Variants in PEX16 observed in about 807,000 individuals in gnomAD.
PEX16 encodes the protein peroxin 16.
Under a neutral mutation model 50.5 loss-of-function variants are expected in PEX16, and 37 were observed. That is an observed-to-expected ratio of 0.73 (90% confidence interval 0.56 to 0.96). PEX16 has a LOEUF of 0.96. Ranked by LOEUF, PEX16 falls within the 40% of genes least tolerant of loss-of-function variation. The probability of loss-of-function intolerance (pLI) is 0.00; values close to 1 mark genes in which losing one functional copy is unlikely to be tolerated. For missense variants in PEX16, 401 were observed against 438.3 expected, an observed-to-expected ratio of 0.91 and a Z score of 0.76; for synonymous variants, 185 against 190.3, an observed-to-expected ratio of 0.97 and a Z score of 0.23.
At position 45,915,512 on chromosome 11, in the gene PEX16, G is replaced by C. The variant is rs2086824776; in HGVS notation, c.416C>G (p.Pro139Arg). 1 of 1,614,160 alleles carries C rather than the reference G, an allele frequency of 6.2e-7. No homozygotes were observed. The highest frequency in any genetic ancestry group is 1.1e-5 in the South Asian group (1 of 91,076). Residue 139 changes from proline to arginine, a missense_variant, in exon 5 of 11, where the codon CCC becomes CGC. Transcript: ENST00000378750. ...LWFKAGLQTSPPIVPLDRETQ... is the reference protein window; with the variant it reads ...LWFKAGLQTSRPIVPLDRETQ... ...CTCTCTGTCCAGTGGAACGATAGGG[G>C]GTGAAGTCTGGAGGCCAGCCTTGAA... is the stretch of plus-strand genomic sequence containing the variant.
chr11:45,913,439 C>T (rs773051260), intron 9 of PEX16, among the ~76,000 whole-genome samples: 3 of 152,190 alleles, frequency 2.0e-5, no homozygotes, highest in African/African-American at 2.4e-5. Context: ...CTTTAAGTTG[C>T]CCAACCTCCT....
At chr11:45,918,140 G>T, upstream of PEX16, 1 of 446,404 alleles carries the variant, frequency 2.2e-6, no homozygotes, top group East Asian at 4.6e-5. Flanking sequence ...CTGCCCTTGC[G>T]CCTGCGCAGT....
In PEX16 at chr11:45,909,913, G is replaced by A. The variant is rs559300237; in HGVS notation, c.*341C>T. The A allele has an allele frequency of 5.2e-5, 33 of 637,208 alleles. No individual in the cohort carries two copies. Among genetic ancestry groups the A allele is most frequent in the East Asian group, 3.0e-4 (11 of 36,562 alleles). The allele number at this position is 637,208 out of a possible 1,614,324, so 39.5% of individuals were successfully genotyped here. A position where few individuals can be genotyped will look rare whatever the true frequency, so the allele number is the denominator to read the frequency against. ...CTTCCTGTCCTCACCAGGGGCCAGC[G>A]AGAGAGCAGCAGTGTTCGCTCCTAT... On this transcript the variant is annotated 3_prime_UTR_variant, in exon 11 of 11. Coordinates refer to ENST00000378750, the MANE Select transcript of PEX16 (RefSeq NM_004813.4).
chr11:45,909,783 T>A lies in PEX16; in HGVS notation c.*471A>T, dbSNP rs1460580240. Reference sequence around the variant, plus strand: ...TGTCACAGGGAGGCTGGCAACGCCATGGCCTGGGGCTGCCAGAGCCACAGG... The same window carrying A: ...TGTCACAGGGAGGCTGGCAACGCCAAGGCCTGGGGCTGCCAGAGCCACAGG... On this transcript the variant is annotated 3_prime_UTR_variant, in exon 11 of 11. Transcript: ENST00000378750. The A allele has an allele frequency of 2.1e-6, 1 of 467,510 alleles. No homozygotes were observed. The highest frequency in any genetic ancestry group is 3.9e-6 in the Non-Finnish European group (1 of 254,958). 29.0% of individuals were successfully genotyped at this position (467,510 alleles called of 1,614,324 possible). A position where few individuals can be genotyped will look rare whatever the true frequency, so the allele number is the denominator to read the frequency against.
chr11:45,910,028 G>C lies in PEX16; in HGVS notation c.*226C>G, dbSNP rs1416113648. On this transcript the variant is annotated 3_prime_UTR_variant, in exon 11 of 11. Coordinates refer to ENST00000378750, the MANE Select transcript of PEX16 (RefSeq NM_004813.4). ...AGCCTGGATCCCACTCCTAGTGAAG[G>C]CTTCTTGGCCCAGCAGTGACAAGGT... 1 of 1,450,124 alleles carries C rather than the reference G, an allele frequency of 6.9e-7. No individual in the cohort carries two copies. The highest frequency in any genetic ancestry group is 2.3e-5 in the East Asian group (1 of 44,132). 89.8% of individuals were successfully genotyped at this position (1,450,124 alleles called of 1,614,324 possible).
intron 2 of PEX16, chr11:45,917,163 A>G (rs1385364953): frequency 5.9e-6 from 4 of 681,850 alleles, no homozygotes; most frequent in Admixed American, 2.0e-5. Context: ...AGTGATGACA[A>G]TAAGTACCAC....
intron 8 of PEX16, 78 bp from the exon 9 acceptor site, chr11:45,914,016 G>A (rs929367351): frequency 3.1e-6 from 5 of 1,596,354 alleles, no homozygotes; most frequent in Non-Finnish European, 4.3e-6. Context: ...TGGGCTGGGT[G>A]TCCAGAGGGG....
Position 45,917,877 on chromosome 11 carries a change from C to T in PEX16, c.-66G>A. 2 of 1,165,268 alleles carry T rather than the reference C, an allele frequency of 1.7e-6. No homozygotes were observed. The highest frequency in any genetic ancestry group is 2.5e-6 in the Non-Finnish European group (2 of 809,648). The allele number at this position is 1,165,268 out of a possible 1,614,324, so 72.2% of individuals were successfully genotyped here. A position where few individuals can be genotyped will look rare whatever the true frequency, so the allele number is the denominator to read the frequency against. On this transcript the variant is annotated 5_prime_UTR_variant, in exon 1 of 11. Transcript: ENST00000378750. ...ACAGGCTGCGGCGCCCTGCTTCCTG[C>T]GCCCTCCTTCCTGCTTCCGGTCTTA...
chr11:45,917,996 T>A, upstream of PEX16: 1 of 663,570 alleles, frequency 1.5e-6, no homozygotes, highest in Non-Finnish European at 2.7e-6. Flanking sequence ...TTGAACCGCT[T>A]CCCACTCGGG....
chr11:45,917,424 A>G, intron 2 of PEX16, 34 bp downstream of exon 2: 1 of 1,609,296 alleles, frequency 6.2e-7, no homozygotes, highest in Non-Finnish European at 8.5e-7. Context: ...CAGGCAGCCG[A>G]TCCCCCATCC....
In PEX16 at chr11:45,916,257, T is replaced by C. The variant is rs200131771; in HGVS notation, c.195A>G (p.Leu65=). The change falls in exon 3 of 11, where the codon CTA becomes CTG. Residue 65 remains leucine, a synonymous_variant. Transcript: ENST00000378750. ...GCAACTTTTTCCGAAGCTCCTTCCG[T>C]AGGATCCCGTCATTGAGCAGCACAA... The part of the protein sequence containing the change: ...NLLVLLNDGI[L]RKELRKKLPV... 6.2e-7 allele frequency: 1 copy of C among 1,613,960 alleles called. No homozygotes were observed. Among genetic ancestry groups the C allele is most frequent in the Non-Finnish European group, 8.5e-7 (1 of 1,179,968 alleles).
rs1350322022 is a variant in PEX16, at chr11:45,916,295, C to T, written c.157G>A (p.Ala53Thr). ...SHELSELVYS[A>T]SNLLVLLNDG... Reference sequence around the variant, plus strand: ...TTGAGCAGCACAAGCAGGTTAGAGGCAGAGTACACTGAGGGGTAGAGAGTG... The same window carrying T: ...TTGAGCAGCACAAGCAGGTTAGAGGTAGAGTACACTGAGGGGTAGAGAGTG... Residue 53 changes from alanine to threonine, a missense_variant, in exon 3 of 11, where the codon GCC becomes ACC. Transcript: ENST00000378750. 1.9e-6 allele frequency: 3 copies of T among 1,613,638 alleles called. No homozygotes were observed. Among genetic ancestry groups the T allele is most frequent in the South Asian group, 1.1e-5 (1 of 91,086 alleles).
At chr11:45,915,917 C>CT in intron 3 of PEX16, 81 bp from the exon 4 acceptor site, 2 of 1,377,664 alleles carry the variant, frequency 1.5e-6, no homozygotes, top group South Asian at 2.3e-5. Context: ...GGGAGCTTCT[C>CT]TGACAAGAGA....
chr11:45,915,400 G>A, intron 5 of PEX16, 68 bp downstream of exon 5: 1 of 1,163,236 alleles, frequency 8.6e-7, no homozygotes, highest in Non-Finnish European at 1.3e-6. Flanking sequence ...TATTCATGCT[G>A]GTTGGATCTA....
chr11:45,913,215 C>T (rs79956086), intron 9 of PEX16, among the ~76,000 whole-genome samples: 1 of 152,068 alleles, frequency 6.6e-6, no homozygotes, highest in Non-Finnish European at 1.5e-5. Flanking sequence ...CACAGGGTTT[C>T]CCCCTGTCAG....
intron 9 of PEX16, among the ~76,000 whole-genome samples, chr11:45,911,262 A>G (rs1473293841): frequency 1.3e-5 from 2 of 152,092 alleles, no homozygotes; most frequent in Non-Finnish European, 2.9e-5. Context: ...AGAGGGTCGC[A>G]TGTGGAGCAG....
intron 3 of PEX16, 50 bp from the exon 4 acceptor site, chr11:45,915,886 T>C (rs1461857073): frequency 1.3e-6 from 2 of 1,578,630 alleles, no homozygotes; most frequent in Non-Finnish European, 1.7e-6. Context: ...CTACAGGGAG[T>C]CCCAGGCCCT....
At chr11:45,912,172 G>A (rs1435049699) in intron 9 of PEX16, among the ~76,000 whole-genome samples, 2 of 152,004 alleles carry the variant, frequency 1.3e-5, no homozygotes, top group Admixed American at 6.6e-5. Context: ...TGGTCCAGAA[G>A]GAGCAGCCTT....
rs1339341785 is a variant in PEX16 at position 45,914,210 on chromosome 11, G to A, written c.695-7C>T. 1 of 1,612,940 alleles carries A rather than the reference G, an allele frequency of 6.2e-7. No homozygotes were observed. The highest frequency in any genetic ancestry group is 8.5e-7 in the Non-Finnish European group (1 of 1,179,652). ...CACAGGCCCAGGCTGAGCACTGACG[G>A]CCAAGGCGTCAAGGATGTCTCCAGC... On this transcript the variant is annotated splice_region_variant and splice_polypyrimidine_tract_variant and intron_variant, in intron 7 of 10. Transcript: ENST00000378750.
Sources: allele counts gnomAD v4.1 joint callset (sites outside exome capture counted in the v4.1 genomes callset), GRCh38; gene constraint gnomAD v4.1.1; transcripts MANE v1.5; gene names NCBI Gene and HGNC (gene_info 2026-07-23, HGNC 2026-07-21).